The following FAF1 variants were observed in gnomAD, a reference collection of about 807,000 sequenced individuals.
The protein encoded by FAF1 is Fas associated factor 1.
Under a neutral mutation model 92.5 loss-of-function variants are expected in FAF1, and 25 were observed. The ratio of observed to expected loss-of-function variants is 0.27; its 90% CI spans 0.20 to 0.38. The LOEUF (loss-of-function observed/expected upper bound fraction) is 0.38, where lower values mean the gene tolerates loss of function less well. FAF1 is among the 10% of genes least tolerant of loss of function. FAF1 has a pLI of 1.00. For synonymous variants in FAF1, 234 were observed against 273.2 expected, an observed-to-expected ratio of 0.86 and a Z score of 1.42; for missense variants, 636 against 793.3, an observed-to-expected ratio of 0.80 and a Z score of 2.38.
chr1:50,691,758 T>C (rs1309563021), intron 7 of FAF1, among the ~76,000 whole-genome samples: 1 of 152,164 alleles, frequency 6.6e-6, no homozygotes, highest in Non-Finnish European at 1.5e-5. Flanking sequence ...GCCCGGCTAA[T>C]TTTGTATTTT....
rs561023406 is a variant in FAF1, at chr1:50,630,077, G to A, written c.744+25365C>T. ...GTCTCAAAAAAAAAAACATATCGAC[G>A]TTCAGCAAAATGCCTAGAACAAAGT... On this transcript the variant is annotated intron_variant, in intron 8 of 18. Coordinates refer to ENST00000396153, the MANE Select transcript of FAF1 (RefSeq NM_007051.3). Among the ~76,000 whole-genome samples the A allele has an allele frequency of 5.3e-5, 8 of 151,834 alleles. No individual in the cohort carries two copies. The South Asian group carries it at 1.2e-3, about 24-fold the overall frequency.
chr1:50,479,254 G>T (rs1646672988), intron 17 of FAF1, among the ~76,000 whole-genome samples: 2 of 144,222 alleles, frequency 1.4e-5, no homozygotes, highest in South Asian at 4.3e-4. Flanking sequence ...ACACCACACT[G>T]CTCTACCTTC....
At chr1:50,498,444 T>C (rs1447083878) in intron 15 of FAF1, among the ~76,000 whole-genome samples, 1 of 151,634 alleles carries the variant, frequency 6.6e-6, no homozygotes, top group Admixed American at 6.6e-5. Flanking sequence ...CTCAAGAGAG[T>C]GGAAAGATAA....
chr1:50,610,219 T>C (rs977031102), intron 8 of FAF1, among the ~76,000 whole-genome samples: 1 of 152,212 alleles, frequency 6.6e-6, no homozygotes, highest in African/African-American at 2.4e-5. Flanking sequence ...CTGTTTCATA[T>C]ATGATCCATA....
At chr1:50,444,431 G>C (rs1233540052) in intron 18 of FAF1, among the ~76,000 whole-genome samples, 1 of 152,186 alleles carries the variant, frequency 6.6e-6, no homozygotes, top group Non-Finnish European at 1.5e-5. Context: ...AATATCTGAA[G>C]GGCTGATAAG....
Position 50,871,934 on chromosome 1 carries a change from G to A in FAF1, c.46-13937C>T, listed in dbSNP as rs577274275. The stretch of plus-strand genomic sequence containing the variant: ...CAAAAAATTAGCCGGGCATAGTGGC[G>A]GGCGCCTGTAGTCCCAGCTACTCGG... On this transcript the variant is annotated intron_variant, in intron 1 of 18. Coordinates refer to ENST00000396153, the MANE Select transcript of FAF1 (RefSeq NM_007051.3). Among the ~76,000 whole-genome samples, 14 of 151,610 alleles carry A rather than the reference G, an allele frequency of 9.2e-5. No individual in the cohort carries two copies. The East Asian group carries it at 1.4e-3, about 15-fold the overall frequency.
At chr1:50,713,527 G>A (rs1569818568) in intron 6 of FAF1, among the ~76,000 whole-genome samples, 1 of 152,194 alleles carries the variant, frequency 6.6e-6, no homozygotes, top group East Asian at 1.9e-4. Flanking sequence ...GCCCGCCTTG[G>A]CCTCCCACAG....
chr1:50,691,130 C>T (rs925853121), intron 7 of FAF1, among the ~76,000 whole-genome samples: 1 of 152,190 alleles, frequency 6.6e-6, no homozygotes, highest in Admixed American at 6.5e-5. Context: ...CCATGTTTAA[C>T]ATGTTGAGGA....
intron 9 of FAF1, among the ~76,000 whole-genome samples, chr1:50,589,290 G>C (rs1241595858): frequency 1.3e-5 from 2 of 152,072 alleles, no homozygotes; most frequent in African/African-American, 4.8e-5. Context: ...GCAGCAGCTG[G>C]GGTGGCTCTG....
At chr1:50,724,275 A>C (rs963247654) in intron 6 of FAF1, among the ~76,000 whole-genome samples, 1 of 125,348 alleles carries the variant, frequency 8.0e-6, no homozygotes, top group African/African-American at 3.5e-5. Context: ...ATATATACAT[A>C]TACACACACA....
chr1:50,571,000 C>T (rs374275583), intron 12 of FAF1, among the ~76,000 whole-genome samples: 12 of 152,222 alleles, frequency 7.9e-5, no homozygotes, highest in South Asian at 2.1e-4. Context: ...ATTACTATAA[C>T]CAGTTTTTCC....
chr1:50,759,682 G>A (rs1395599111), intron 4 of FAF1, among the ~76,000 whole-genome samples: 5 of 152,122 alleles, frequency 3.3e-5, no homozygotes, highest in African/African-American at 9.7e-5. Context: ...TGGGATGGCT[G>A]GGTCAAATGG....
chr1:50,950,022 G>A (rs1173422560), intron 1 of FAF1, among the ~76,000 whole-genome samples: 1 of 149,672 alleles, frequency 6.7e-6, no homozygotes, highest in Non-Finnish European at 1.5e-5. Context: ...ATTTTTTTTT[G>A]TAGAGACACG....
At chr1:50,668,766 T>C (rs906494261) in intron 7 of FAF1, among the ~76,000 whole-genome samples, 2 of 152,170 alleles carry the variant, frequency 1.3e-5, no homozygotes, top group African/African-American at 4.8e-5. Flanking sequence ...CTCTGAAATG[T>C]AGATATAGCT....
At chr1:50,453,873 T>G (rs1646322670) in intron 18 of FAF1, among the ~76,000 whole-genome samples, 1 of 152,158 alleles carries the variant, frequency 6.6e-6, no homozygotes, top group Non-Finnish European at 1.5e-5. Context: ...GGCTCAGAGC[T>G]GGGGAGGGGA....
chr1:50,841,269 G>C (rs978508540), intron 2 of FAF1, among the ~76,000 whole-genome samples: 2 of 151,940 alleles, frequency 1.3e-5, no homozygotes, highest in African/African-American at 4.8e-5. Flanking sequence ...CAACATTTAC[G>C]TATTTTCTCT....
intron 8 of FAF1, among the ~76,000 whole-genome samples, chr1:50,599,546 A>G (rs1651994534): frequency 6.6e-6 from 1 of 152,220 alleles, no homozygotes; most frequent in Non-Finnish European, 1.5e-5. Flanking sequence ...TGGCAGTTTC[A>G]TTTAATAATG....
intron 1 of FAF1, among the ~76,000 whole-genome samples, chr1:50,894,748 A>G (rs1570111421): frequency 6.6e-6 from 1 of 152,338 alleles, no homozygotes; most frequent in East Asian, 1.9e-4. Context: ...TGAAAATTAA[A>G]CAATATGCTC....
chr1:50,547,636 A>G (rs868661062), intron 13 of FAF1, among the ~76,000 whole-genome samples: 31 of 151,998 alleles, frequency 2.0e-4, no homozygotes, highest in African/African-American at 7.0e-4. Context: ...CTGGTCTCGA[A>G]CTCCTGACCT....
Sources: allele counts gnomAD v4.1 joint callset (sites outside exome capture counted in the v4.1 genomes callset), GRCh38; gene constraint gnomAD v4.1.1; transcripts MANE v1.5; gene names NCBI Gene and HGNC (gene_info 2026-07-23, HGNC 2026-07-21).